The following FYB2 variants were observed in gnomAD, a reference collection of about 807,000 sequenced individuals.
The protein encoded by FYB2 is FYN-binding protein 2.
Under a neutral mutation model 94.1 loss-of-function variants are expected in FYB2, and 103 were observed. That is an observed-to-expected ratio of 1.09 (90% CI 0.93 to 1.29). The LOEUF is 1.29. FYB2 is among the 50% of genes most tolerant of loss of function. The pLI is 0.00. For synonymous variants in FYB2, 293 were observed against 287.9 expected (o/e 1.02, Z -0.18); for missense variants, 896 against 841.5 (o/e 1.06, Z -0.80).
At chr1:56,791,995 C>A (rs2298129) in intron 2 of FYB2, 61 bp downstream of exon 2, 159,696 of 1,510,414 alleles carry the variant, frequency 0.11, 8,768 homozygotes, top group Middle Eastern at 0.12. Context: ...AACAGGTTTT[C>A]AAGTAGAAAA....
rs867735242 is a variant in FYB2, at chr1:56,766,447, T to C, written c.1063+1382A>G. ...CCCTTATTTCTTTTTTTTTCTTTTTTTTTTGAGACGGAGTCTCGCTCTGTC... is the reference window on the plus strand; with the variant it reads ...CCCTTATTTCTTTTTTTTTCTTTTTCTTTTGAGACGGAGTCTCGCTCTGTC... On this transcript the variant is annotated intron_variant, in intron 5 of 19. Coordinates refer to ENST00000343433, the MANE Select transcript of FYB2 (RefSeq NM_001004303.5). Among the ~76,000 whole-genome samples the C allele has an allele frequency of 1.1e-4, 16 of 152,236 alleles. 1 individual carries two copies. The highest frequency in any genetic ancestry group is 6.8e-3 in the Middle Eastern group (2 of 294).
chr1:56,730,070 T>C (rs866952464), intron 15 of FYB2, among the ~76,000 whole-genome samples: 93 of 151,560 alleles, frequency 6.1e-4, no homozygotes, highest in African/African-American at 2.2e-3. Flanking sequence ...AATGCCTACA[T>C]CAAAAACTAG....
rs1386445395 is a variant in FYB2, at chr1:56,719,339, C to T, written c.*332G>A. ...AGAAGCAAACTAACCATCTGCACAA[C>T]TGACTAGGTGCCATAAGGCATGATT... On this transcript the variant is annotated 3_prime_UTR_variant, in exon 20 of 20. Coordinates refer to ENST00000343433, the MANE Select transcript of FYB2 (RefSeq NM_001004303.5). 4.2e-6 allele frequency: 1 copy of T among 240,750 alleles called. No homozygotes were observed. Among genetic ancestry groups the T allele is most frequent in the African/African-American group, 2.3e-5 (1 of 44,354 alleles). 14.9% of individuals were successfully genotyped at this position (240,750 alleles called of 1,614,324 possible).
In FYB2 at chr1:56,792,483, C is replaced by A; in HGVS notation, c.330G>T (p.Lys110Asn). 6.2e-7 allele frequency: 1 copy of A among 1,614,190 alleles called. No individual in the cohort carries two copies. Among genetic ancestry groups the A allele is most frequent in the Non-Finnish European group, 8.5e-7 (1 of 1,180,024 alleles). Residue 110 changes from lysine to asparagine, a missense_variant, in exon 2 of 20, where the codon AAG (lysine) becomes AAT (asparagine). By Grantham distance (94) the Lys-to-Asn change is moderately conservative (BLOSUM62 0). Transcript: ENST00000343433. ...STVCSATSSQ[K>N]ASLLLEVTQS... ...GAGTCACCTCTAACAGCAGAGAAGC[C>A]TTCTGTGAACTTGTTGCAGAACATA...
chr1:56,762,134 A>G (rs776620525), intron 5 of FYB2: 6 of 152,192 alleles, frequency 3.9e-5, no homozygotes, highest in Non-Finnish European at 7.3e-5. Context: ...TGATTATTAT[A>G]CTGATAATTC....
In FYB2 at chr1:56,792,402, T is replaced by C. The variant is rs1232691802; in HGVS notation, c.411A>G (p.Arg137=). 3 of 1,614,060 alleles carry C rather than the reference T, an allele frequency of 1.9e-6. No homozygotes were observed. The highest frequency in any genetic ancestry group is 2.7e-5 in the African/African-American group (2 of 74,932). The change falls in exon 2 of 20, where the codon AGA becomes AGG. Residue 137 remains arginine (R), a synonymous_variant. Coordinates refer to ENST00000343433, the MANE Select transcript of FYB2 (RefSeq NM_001004303.5). ...KEKVMVANSF[R]NKLWNWEKVS... ...CCTTCTCCCAGTTCCAGAGTTTGTTTCTGAAGCTATTGGCCACCATTACTT... is the reference window on the plus strand; with the variant it reads ...CCTTCTCCCAGTTCCAGAGTTTGTTCCTGAAGCTATTGGCCACCATTACTT...
intron 1 of FYB2, among the ~76,000 whole-genome samples, chr1:56,794,702 A>T (rs1382060259): frequency 1.3e-5 from 2 of 152,046 alleles, no homozygotes; most frequent in African/African-American, 4.8e-5. Context: ...GCACACGCAC[A>T]CACATAGCCA....
intron 9 of FYB2, among the ~76,000 whole-genome samples, chr1:56,750,337 G>C (rs541286324): frequency 1.3e-5 from 2 of 152,002 alleles, no homozygotes; most frequent in Admixed American, 1.3e-4. Context: ...GGTTAGTATA[G>C]AAATGCTTTA....
At chr1:56,781,225 C>T (rs1019644732) in intron 4 of FYB2, among the ~76,000 whole-genome samples, 14 of 152,174 alleles carry the variant, frequency 9.2e-5, no homozygotes, top group African/African-American at 3.4e-4. Context: ...GCTCAAAGTC[C>T]TTTCAGGAAG....
intron 3 of FYB2, among the ~76,000 whole-genome samples, chr1:56,787,487 C>T (rs1646159479): frequency 6.6e-6 from 1 of 152,226 alleles, no homozygotes; most frequent in Non-Finnish European, 1.5e-5. Context: ...GGGTTTATCT[C>T]TTAATCTCTC....
chr1:56,819,066 C>T (rs1401124539), intron 1 of FYB2, among the ~76,000 whole-genome samples: 1 of 152,204 alleles, frequency 6.6e-6, no homozygotes, highest in East Asian at 1.9e-4. Context: ...CCTCACACTC[C>T]AGGTGGCACA....
chr1:56,811,832 A>G (rs2101084262), intron 1 of FYB2, among the ~76,000 whole-genome samples: 1 of 152,336 alleles, frequency 6.6e-6, no homozygotes, highest in South Asian at 2.1e-4. Flanking sequence ...AGGGTGTGGA[A>G]GGTGGTTCTT....
chr1:56,819,004 CT>C (rs1646950554), intron 1 of FYB2, among the ~76,000 whole-genome samples: 1 of 152,236 alleles, frequency 6.6e-6, no homozygotes, highest in African/African-American at 2.4e-5. Context: ...AGGAGTCCAG[CT>C]GGCTGGGTAG....
intron 15 of FYB2, among the ~76,000 whole-genome samples, chr1:56,734,626 AC>A (rs751214168): frequency 2.0e-5 from 3 of 152,008 alleles, no homozygotes; most frequent in Non-Finnish European, 4.4e-5. Flanking sequence ...GAACACTTGG[AC>A]ACAGGGTGGG....
chr1:56,719,924 C>G (rs1644453597), intron 19 of FYB2, 98 bp downstream of exon 19: 1 of 1,281,228 alleles, frequency 7.8e-7, no homozygotes, highest in Non-Finnish European at 1.1e-6. Flanking sequence ...TAAAACTTAT[C>G]CTGAATTTCA....
intron 12 of FYB2, 83 bp downstream of exon 12, chr1:56,742,078 T>C (rs971850519): frequency 2.1e-5 from 25 of 1,214,572 alleles, no homozygotes; most frequent in Non-Finnish European, 3.0e-5. Context: ...GGGGGGCGGA[T>C]GGTGGGTCCT....
At chr1:56,720,554 A>T (rs922342046) in intron 17 of FYB2, 3 of 353,676 alleles carry the variant, frequency 8.5e-6, no homozygotes, top group African/African-American at 6.4e-5. Context: ...TGGTATGATT[A>T]TACTTTCAAA....
At chr1:56,788,230 CAA>C (rs1646176100) in intron 3 of FYB2, among the ~76,000 whole-genome samples, 1 of 152,186 alleles carries the variant, frequency 6.6e-6, no homozygotes, top group South Asian at 2.1e-4. Context: ...TTAAAATGAA[CAA>C]AGACTGTGTT....
At chr1:56,819,204 AG>A (rs35239303) in intron 1 of FYB2, 77 bp downstream of exon 1, 2 of 1,574,684 alleles carry the variant, frequency 1.3e-6, no homozygotes, top group Non-Finnish European at 1.7e-6. Context: ...GTTTTTCCCC[AG>A]GGCTCTCAAG....
Sources: allele counts gnomAD v4.1 joint callset (sites outside exome capture counted in the v4.1 genomes callset), GRCh38; gene constraint gnomAD v4.1.1; transcripts MANE v1.5; gene names NCBI Gene and HGNC (gene_info 2026-07-23, HGNC 2026-07-21).